Variants in ASIC2 observed in about 807,000 individuals in gnomAD.
ASIC2 encodes acid sensing ion channel subunit 2.
Under a neutral mutation model 57.3 loss-of-function variants are expected in ASIC2, and 25 were observed. The observed-to-expected ratio is 0.44, with a 90% CI of 0.32 to 0.61. ASIC2 has a LOEUF of 0.61. ASIC2 is among the 20% of genes least tolerant of loss of function. The pLI, the probability that ASIC2 is intolerant of heterozygous loss-of-function variation, is 0.06. For missense variants in ASIC2, 641 were observed against 738.1 expected, an observed-to-expected ratio of 0.87 and a Z score of 1.52; for synonymous variants, 319 against 307.5, an observed-to-expected ratio of 1.04 and a Z score of -0.39.
At chr17:34,066,328 A>T (rs1053121699) in intron 1 of ASIC2, among the ~76,000 whole-genome samples, 2 of 152,200 alleles carry the variant, frequency 1.3e-5, no homozygotes, top group Non-Finnish European at 2.9e-5. Context: ...TCCTGGCCTT[A>T]GGTACACATT....
rs563638890 is a variant in ASIC2 at position 33,757,059 on chromosome 17, T to A, written c.555+398919A>T. On this transcript the variant is annotated intron_variant, in intron 1 of 9. Transcript: ENST00000359872. ...AGTCCAATCTCTTCAGAGGTCCTGATACTAGTGAAGGAACAAGAGGACACT... is the reference window on the plus strand; with the variant it reads ...AGTCCAATCTCTTCAGAGGTCCTGAAACTAGTGAAGGAACAAGAGGACACT... Among the ~76,000 whole-genome samples the A allele has an allele frequency of 5.3e-5, 8 of 152,256 alleles. No homozygotes were observed. In the South Asian group the frequency reaches 1.7e-3, roughly 32 times the overall value.
chr17:33,772,608 T>C (rs1286679230), intron 1 of ASIC2, among the ~76,000 whole-genome samples: 2 of 152,240 alleles, frequency 1.3e-5, no homozygotes, highest in African/African-American at 4.8e-5. Flanking sequence ...TATATATACA[T>C]ATGTGGTATA....
chr17:33,699,027 T>C (rs758984302), intron 1 of ASIC2, among the ~76,000 whole-genome samples: 1 of 152,190 alleles, frequency 6.6e-6, no homozygotes, highest in Non-Finnish European at 1.5e-5. Context: ...GGCAGGAGAA[T>C]AGGAGTTTCC....
chr17:33,870,801 A>G (rs551214884), intron 1 of ASIC2, among the ~76,000 whole-genome samples: 1 of 152,356 alleles, frequency 6.6e-6, no homozygotes, highest in Non-Finnish European at 1.5e-5. Context: ...TTAGATGATT[A>G]CAAGGGTTAA....
chr17:34,110,503 G>A lies in ASIC2; in HGVS notation c.555+45475C>T, dbSNP rs555971806. Among the ~76,000 whole-genome samples the A allele has an allele frequency of 3.9e-5, 6 of 152,344 alleles. No individual in the cohort carries two copies. In the South Asian group the frequency reaches 1.2e-3, roughly 32 times the overall value. On this transcript the variant is annotated intron_variant, in intron 1 of 9. Coordinates refer to the ASIC2 transcript ENST00000359872. ...GGATTAGCAGCTGTGCCAGCAGCAGGCGGGACAAAGCCCTGCTGCCCTGGG... is the reference window on the plus strand; with the variant it reads ...GGATTAGCAGCTGTGCCAGCAGCAGACGGGACAAAGCCCTGCTGCCCTGGG...
At chr17:33,016,456 C>A (rs1314128804) in intron 8 of ASIC2, among the ~76,000 whole-genome samples, 1 of 152,098 alleles carries the variant, frequency 6.6e-6, no homozygotes, top group African/African-American at 2.4e-5. Flanking sequence ...ATTCAGAAGA[C>A]CAGGACATGC....
intron 1 of ASIC2, among the ~76,000 whole-genome samples, chr17:33,604,504 G>A (rs78244897): frequency 0.058 from 8,901 of 152,192 alleles, 348 homozygotes; most frequent in Non-Finnish European, 0.091. Flanking sequence ...TGTGCACAAC[G>A]GTGGCATGGC....
chr17:33,791,243 C>T (rs1350647618), intron 1 of ASIC2, among the ~76,000 whole-genome samples: 6 of 152,304 alleles, frequency 3.9e-5, no homozygotes, highest in South Asian at 4.1e-4. Context: ...CAAGAATCCT[C>T]ATAAACAGAA....
At chr17:33,253,452 G>A (rs1467375275) in intron 1 of ASIC2, among the ~76,000 whole-genome samples, 2 of 152,134 alleles carry the variant, frequency 1.3e-5, no homozygotes. Flanking sequence ...TTACTGCTAG[G>A]TCAGTATTAT....
In ASIC2 at chr17:33,497,761, A is replaced by T. The variant is rs116198523; in HGVS notation, c.556-385694T>A. ...ATACTCAACTTACTTTTTTTCAGAT[A>T]AAAAAAAGGAGGCTCAGAGAGGTTA... On this transcript the variant is annotated intron_variant, in intron 1 of 9. Coordinates refer to the ASIC2 transcript ENST00000359872. 5.7e-3 allele frequency among the ~76,000 whole-genome samples: 870 copies of T among 152,030 alleles called. 7 individuals are homozygous for T. The highest frequency in any genetic ancestry group is 0.019 in the African/African-American group (792 of 41,402).
intron 1 of ASIC2, among the ~76,000 whole-genome samples, chr17:34,089,692 G>C (rs1910253144): frequency 6.6e-6 from 1 of 152,024 alleles, no homozygotes; most frequent in African/African-American, 2.4e-5. Context: ...ATTTGCTGCA[G>C]AGAAGATCAC....
At chr17:33,634,514 C>CTTT (rs71144891) in intron 1 of ASIC2, among the ~76,000 whole-genome samples, 7 of 118,504 alleles carry the variant, frequency 5.9e-5, no homozygotes, top group Non-Finnish European at 6.9e-5. Context: ...ACTTTTTTTT[C>CTTT]TTTTTTTTTT....
chr17:33,927,481 A>G (rs1915848725), intron 1 of ASIC2, among the ~76,000 whole-genome samples: 1 of 152,234 alleles, frequency 6.6e-6, no homozygotes, highest in African/African-American at 2.4e-5. Context: ...CCTTTCTGCC[A>G]TGTGAAGACA....
intron 1 of ASIC2, among the ~76,000 whole-genome samples, chr17:33,881,996 A>G (rs1342806765): frequency 6.6e-6 from 1 of 152,242 alleles, no homozygotes; most frequent in Non-Finnish European, 1.5e-5. Context: ...CCTGACAAAA[A>G]CAAGAAATGG....
In ASIC2 at chr17:33,942,221, A is replaced by G. The variant is rs142148016; in HGVS notation, c.555+213757T>C. 2.2e-3 allele frequency among the ~76,000 whole-genome samples: 335 copies of G among 152,222 alleles called. 1 individual carries two copies. Among genetic ancestry groups the G allele is most frequent in the Middle Eastern group, 3.4e-3 (1 of 294 alleles). ...AAGCCCCTGGAGAGCTGGGGAATCC[A>G]AGTGTCACAGTCACAGCTTGATAGG... On this transcript the variant is annotated intron_variant, in intron 1 of 9. Coordinates refer to the ASIC2 transcript ENST00000359872.
At chr17:33,581,798 C>T (rs560967184) in intron 1 of ASIC2, among the ~76,000 whole-genome samples, 1 of 152,324 alleles carries the variant, frequency 6.6e-6, no homozygotes, top group African/African-American at 2.4e-5. Flanking sequence ...AAGGCACTCT[C>T]CCTGTCCATC....
intron 1 of ASIC2, among the ~76,000 whole-genome samples, chr17:33,171,135 A>G (rs1905505229): frequency 6.6e-6 from 1 of 152,302 alleles, no homozygotes; most frequent in Middle Eastern, 3.4e-3. Context: ...GGGTAGCAAG[A>G]TGGTACCGGG....
chr17:34,148,938 C>T (rs143567073), intron 1 of ASIC2, among the ~76,000 whole-genome samples: 13 of 152,192 alleles, frequency 8.5e-5, no homozygotes, highest in African/African-American at 2.6e-4. Flanking sequence ...GCAGACATGA[C>T]ACCAGATGCA....
At chr17:33,470,004 C>T (rs1191025971) in intron 1 of ASIC2, among the ~76,000 whole-genome samples, 1 of 151,478 alleles carries the variant, frequency 6.6e-6, no homozygotes, top group Non-Finnish European at 1.5e-5. Flanking sequence ...AATGCACAAC[C>T]AGTAATAATG....
Sources: allele counts gnomAD v4.1 joint callset (sites outside exome capture counted in the v4.1 genomes callset), GRCh38; gene constraint gnomAD v4.1.1; transcripts MANE v1.5; gene names NCBI Gene and HGNC (gene_info 2026-07-23, HGNC 2026-07-21).